The following PCDHA13 variants were observed in gnomAD, a reference collection of about 807,000 sequenced individuals.
PCDHA13 encodes protocadherin alpha 13.
In PCDHA13, 54 loss-of-function variants were observed where a neutral mutation model predicts 64.8. The observed-to-expected ratio is 0.83, with a 90% confidence interval of 0.67 to 1.04. PCDHA13 has a LOEUF of 1.04. Among genes scored for constraint, PCDHA13 ranks in the 50% least tolerant of loss-of-function variants. The pLI is 0.00. For synonymous variants in PCDHA13, 587 were observed against 564.4 expected (o/e 1.04, Z -0.57); for missense variants, 1,248 against 1,254.3 (o/e 0.99, Z 0.08).
chr5:140,941,281 C>A (rs12652617), intron 1 of PCDHA13, among the ~76,000 whole-genome samples: 1 of 69,002 alleles, frequency 1.4e-5, no homozygotes, highest in Non-Finnish European at 3.2e-5. Context: ...TTCCTTCCTT[C>A]CTTTCTCTTT....
At chr5:140,917,374 C>T (rs1378508006) in intron 1 of PCDHA13, among the ~76,000 whole-genome samples, 1 of 151,778 alleles carries the variant, frequency 6.6e-6, no homozygotes, top group East Asian at 1.9e-4. Flanking sequence ...CTTGCTCCAC[C>T]TCAATAGTCT....
At chr5:140,919,910 A>C (rs1350361054) in intron 1 of PCDHA13, among the ~76,000 whole-genome samples, 1 of 152,204 alleles carries the variant, frequency 6.6e-6, no homozygotes. Flanking sequence ...GGATGAAATT[A>C]CCCTAAATTT....
At chr5:140,886,515 G>C (rs1554182564) in intron 1 of PCDHA13, among the ~76,000 whole-genome samples, 1 of 151,972 alleles carries the variant, frequency 6.6e-6, no homozygotes, top group East Asian at 1.9e-4. Context: ...TGGATTTTAA[G>C]GTCTGCATAT....
intron 1 of PCDHA13, among the ~76,000 whole-genome samples, chr5:140,899,434 A>G (rs1583342387): frequency 6.6e-6 from 1 of 152,206 alleles, no homozygotes; most frequent in East Asian, 1.9e-4. Flanking sequence ...TCTTTTCTGC[A>G]TCTATTGAGA....
At chr5:140,895,273 A>T (rs2064941325) in intron 1 of PCDHA13, among the ~76,000 whole-genome samples, 2 of 151,970 alleles carry the variant, frequency 1.3e-5, no homozygotes, top group South Asian at 4.1e-4. Context: ...TTACTCAGGG[A>T]TAATTGAATT....
intron 3 of PCDHA13, among the ~76,000 whole-genome samples, chr5:141,005,079 T>TTAGTACTTTACA (rs1375552328): frequency 3.3e-5 from 5 of 152,356 alleles, no homozygotes; most frequent in Non-Finnish European, 7.3e-5. Flanking sequence ...AGGATCAAGC[T>TTAGTACTTTACA]TAGTACTTTA....
At chr5:140,920,718 C>A (rs183020461) in intron 1 of PCDHA13, among the ~76,000 whole-genome samples, 3 of 152,168 alleles carry the variant, frequency 2.0e-5, no homozygotes, top group East Asian at 3.9e-4. Context: ...GTGGTGTGCG[C>A]CTGCAGTCCC....
intron 3 of PCDHA13, among the ~76,000 whole-genome samples, chr5:141,000,512 CCTT>C (rs1340468179): frequency 2.1e-5 from 3 of 144,282 alleles, no homozygotes; most frequent in Non-Finnish European, 4.5e-5. Context: ...ACTGCAACCT[CCTT>C]CTCCAGGGTT....
intron 1 of PCDHA13, among the ~76,000 whole-genome samples, chr5:140,951,377 G>T (rs2094577141): frequency 6.6e-6 from 1 of 152,070 alleles, no homozygotes; most frequent in Non-Finnish European, 1.5e-5. Context: ...AAACACCCAA[G>T]ACTCGGTAAT....
chr5:140,929,428 G>A, intron 1 of PCDHA13: 1 of 1,491,484 alleles, frequency 6.7e-7, no homozygotes. Flanking sequence ...TTCATCAATT[G>A]AACTAAACAC....
chr5:140,886,043 T>C (rs977275136), intron 1 of PCDHA13, among the ~76,000 whole-genome samples: 3 of 152,168 alleles, frequency 2.0e-5, no homozygotes, highest in Admixed American at 6.5e-5. Context: ...TTTTCCCCAA[T>C]AGTAACATCT....
intron 1 of PCDHA13, among the ~76,000 whole-genome samples, chr5:140,962,457 G>T (rs1563323233): frequency 6.6e-6 from 1 of 151,950 alleles, no homozygotes; most frequent in Non-Finnish European, 1.5e-5. Flanking sequence ...AATCTCTTAT[G>T]GCTTGAATCT....
chr5:140,937,648 CACGCCTGTAATCCCAGCACT>C (rs1554211703), intron 1 of PCDHA13, among the ~76,000 whole-genome samples: 3 of 150,626 alleles, frequency 2.0e-5, no homozygotes, highest in South Asian at 4.2e-4. Flanking sequence ...CATGGTGGCT[CACGCCTGTAATCCCAGCACT>C]TTGGGAGGCT....
intron 1 of PCDHA13, among the ~76,000 whole-genome samples, chr5:140,925,768 G>A (rs1018599372): frequency 6.6e-6 from 1 of 151,870 alleles, no homozygotes; most frequent in Admixed American, 6.6e-5. Flanking sequence ...TAGTTTCCTG[G>A]TCAAACTCTA....
intron 1 of PCDHA13, among the ~76,000 whole-genome samples, chr5:140,889,687 T>C (rs1190333599): frequency 1.3e-5 from 2 of 152,198 alleles, no homozygotes; most frequent in African/African-American, 4.8e-5. Context: ...AACCTTTTAG[T>C]ATTATGGGCA....
At chr5:141,003,441 A>G (rs184470683) in intron 3 of PCDHA13, among the ~76,000 whole-genome samples, 25 of 152,240 alleles carry the variant, frequency 1.6e-4, no homozygotes, top group Non-Finnish European at 1.5e-5. Flanking sequence ...CCTCCCAAGT[A>G]GATGAAATTA....
intron 1 of PCDHA13, among the ~76,000 whole-genome samples, chr5:140,961,519 A>G (rs246002): frequency 0.56 from 85,694 of 152,068 alleles, 24,757 homozygotes; most frequent in African/African-American, 0.69. Flanking sequence ...ATGTCTCCAC[A>G]AATTCTAGAT....
intron 1 of PCDHA13, among the ~76,000 whole-genome samples, chr5:140,891,819 G>A (rs1282245838): frequency 6.6e-6 from 1 of 152,216 alleles, no homozygotes. Flanking sequence ...ATAAATTAAC[G>A]GCACTGTAAA....
Position 140,884,504 on chromosome 5 carries a change from G to C in PCDHA13, c.2236G>C (p.Gly746Arg). 2 of 1,614,180 alleles carry C rather than the reference G, an allele frequency of 1.2e-6. No individual in the cohort carries two copies. Among genetic ancestry groups the C allele is most frequent in the South Asian group, 2.2e-5 (2 of 91,080 alleles). The change falls in exon 1 of 4, where the codon GGG (glycine) becomes CGG (arginine). Residue 746 changes from glycine to arginine, a missense_variant. Coordinates refer to ENST00000289272, the MANE Select transcript of PCDHA13 (RefSeq NM_018904.3). ...CACTCTAGTGTGCTCCAGCGCGGCA[G>C]GGAGTTGGTCGTACTCGCAGCAGAG... ...KPTLVCSSAA[G>R]SWSYSQQRRP...
Sources: allele counts gnomAD v4.1 joint callset (sites outside exome capture counted in the v4.1 genomes callset), GRCh38; gene constraint gnomAD v4.1.1; transcripts MANE v1.5; gene names NCBI Gene and HGNC (gene_info 2026-07-23, HGNC 2026-07-21).